The following ZNF521 variants were observed in gnomAD, a reference collection of about 807,000 sequenced individuals.
ZNF521 encodes the protein LYST-interacting protein 3.
A neutral mutation model predicts 105.5 loss-of-function variants in ZNF521; 14 were observed. That is an observed-to-expected ratio of 0.13 (90% CI 0.09 to 0.21). ZNF521 has a LOEUF of 0.21. ZNF521 is among the 10% of genes least tolerant of loss of function. The pLI, the probability that ZNF521 is intolerant of heterozygous loss-of-function variation, is 1.00. For missense variants in ZNF521, 1,233 were observed against 1,629.7 expected (o/e 0.76, Z 4.19); for synonymous variants, 635 against 606.0 (o/e 1.05, Z -0.70).
chr18:25,121,345 C>A (rs1159687233), intron 5 of ZNF521, among the ~76,000 whole-genome samples: 1 of 151,166 alleles, frequency 6.6e-6, no homozygotes. Flanking sequence ...ACCTCCGCCT[C>A]CCAGGTTCAA....
chr18:25,085,058 A>C (rs891417478), intron 7 of ZNF521, among the ~76,000 whole-genome samples: 3 of 152,062 alleles, frequency 2.0e-5, no homozygotes, highest in Non-Finnish European at 4.4e-5. Flanking sequence ...AAAATAATAA[A>C]ATGTTCATTG....
chr18:25,173,529 T>G (rs1182728327), intron 5 of ZNF521, among the ~76,000 whole-genome samples: 1 of 152,208 alleles, frequency 6.6e-6, no homozygotes, highest in Non-Finnish European at 1.5e-5. Context: ...CTTCTCATTT[T>G]GGGGTGGAAG....
At chr18:25,238,090 G>C (rs1449901624) in intron 3 of ZNF521, among the ~76,000 whole-genome samples, 1 of 152,076 alleles carries the variant, frequency 6.6e-6, no homozygotes, top group East Asian at 1.9e-4. Context: ...CAAATCTCCA[G>C]TGCCGAGGCA....
chr18:25,118,809 A>G (rs1047440717), intron 5 of ZNF521, among the ~76,000 whole-genome samples: 8 of 152,104 alleles, frequency 5.3e-5, no homozygotes, highest in Admixed American at 5.2e-4. Flanking sequence ...ATTATAATGT[A>G]CTGAACACTA....
intron 3 of ZNF521, among the ~76,000 whole-genome samples, chr18:25,288,367 C>T (rs189232855): frequency 1.2e-3 from 180 of 152,184 alleles, no homozygotes; most frequent in African/African-American, 3.9e-3. Context: ...AGTCATTTTC[C>T]TCATCTTCCC....
chr18:25,271,314 A>C (rs1909642780), intron 3 of ZNF521, among the ~76,000 whole-genome samples: 1 of 152,256 alleles, frequency 6.6e-6, no homozygotes, highest in Admixed American at 6.5e-5. Flanking sequence ...GGTAGGAAGA[A>C]GCAATATCAT....
intron 5 of ZNF521, among the ~76,000 whole-genome samples, chr18:25,172,057 G>A (rs759576087): frequency 5.3e-5 from 8 of 152,054 alleles, no homozygotes; most frequent in Admixed American, 1.3e-4. Flanking sequence ...GAGGTGGAGA[G>A]TACATGTATT....
chr18:25,252,500 C>T (rs913465946), intron 3 of ZNF521, among the ~76,000 whole-genome samples: 5 of 151,940 alleles, frequency 3.3e-5, no homozygotes, highest in Non-Finnish European at 5.9e-5. Flanking sequence ...CGGAAAAATA[C>T]AGAGGACTAC....
At chr18:25,202,289 ATAC>A (rs2036005869) in intron 4 of ZNF521, 1 of 152,238 alleles carries the variant, frequency 6.6e-6, no homozygotes, top group Non-Finnish European at 1.5e-5. Context: ...ATAAAAAATA[ATAC>A]TACAATACCA....
chr18:25,271,664 G>C (rs1051517195), intron 3 of ZNF521, among the ~76,000 whole-genome samples: 2 of 152,120 alleles, frequency 1.3e-5, no homozygotes, highest in Non-Finnish European at 1.5e-5. Flanking sequence ...ACAAGCAATG[G>C]GGAAAGGATG....
rs556153784 is a variant in ZNF521, at chr18:25,207,137, G to C, written c.3574-11893C>G. 5.3e-5 allele frequency among the ~76,000 whole-genome samples: 8 copies of C among 152,236 alleles called. No individual in the cohort carries two copies. In the East Asian group the frequency reaches 1.4e-3, roughly 26 times the overall value. On this transcript the variant is annotated intron_variant, in intron 4 of 7. Transcript: ENST00000361524. ...CAAAGGTAATAGCCAAGCTTATATAGGGTATTGTGGAGTTTTAGGATTGAA... is the reference window on the plus strand; with the variant it reads ...CAAAGGTAATAGCCAAGCTTATATACGGTATTGTGGAGTTTTAGGATTGAA...
chr18:25,182,033 T>C (rs2035640031), intron 5 of ZNF521, among the ~76,000 whole-genome samples: 1 of 152,148 alleles, frequency 6.6e-6, no homozygotes, highest in Non-Finnish European at 1.5e-5. Context: ...AGTTACCTCT[T>C]ATTTATTTAT....
At chr18:25,083,635 G>A (rs2033553159) in intron 7 of ZNF521, among the ~76,000 whole-genome samples, 1 of 152,028 alleles carries the variant, frequency 6.6e-6, no homozygotes, top group Non-Finnish European at 1.5e-5. Flanking sequence ...CTATTTCTTT[G>A]CCTATCTTCT....
At chr18:25,123,016 T>C (rs2034472001) in intron 5 of ZNF521, among the ~76,000 whole-genome samples, 1 of 152,090 alleles carries the variant, frequency 6.6e-6, no homozygotes, top group East Asian at 1.9e-4. Flanking sequence ...CTTCTTAAGC[T>C]AGATCTACTG....
intron 5 of ZNF521, among the ~76,000 whole-genome samples, chr18:25,168,124 T>C (rs1362176502): frequency 6.6e-6 from 1 of 152,128 alleles, no homozygotes; most frequent in Non-Finnish European, 1.5e-5. Context: ...GTGCTCTGCA[T>C]TAAGAGCAAT....
chr18:25,183,824 C>A (rs950995577), intron 5 of ZNF521, among the ~76,000 whole-genome samples: 3 of 152,020 alleles, frequency 2.0e-5, no homozygotes, highest in Non-Finnish European at 1.5e-5. Flanking sequence ...GGTTAGAGAA[C>A]CTTTTTAGTG....
chr18:25,319,221 A>G (rs185157084), intron 3 of ZNF521, among the ~76,000 whole-genome samples: 339 of 152,352 alleles, frequency 2.2e-3, no homozygotes, highest in Non-Finnish European at 3.7e-3. Context: ...ACATGAATAT[A>G]CAAATAAACA....
chr18:25,226,976 A>T lies in ZNF521; in HGVS notation c.942T>A (p.Ile314=), dbSNP rs1271379339. 6.2e-7 allele frequency: 1 copy of T among 1,614,034 alleles called. No homozygotes were observed. Among genetic ancestry groups the T allele is most frequent in the South Asian group, 1.1e-5 (1 of 91,064 alleles). Residue 314 remains isoleucine, a synonymous_variant, in exon 4 of 8, where the codon ATT becomes ATA. Coordinates refer to ENST00000361524, the MANE Select transcript of ZNF521 (RefSeq NM_015461.3). This position sits in a 1 kb window ranked among gnomAD's most constrained non-coding sequence, Gnocchi z 4.1. ...CAACTGTGTGGAAACTCTCAGAACAAATGCTGCATGAGTTCTTCTTCTCCC... is the reference window on the plus strand; with the variant it reads ...CAACTGTGTGGAAACTCTCAGAACATATGCTGCATGAGTTCTTCTTCTCCC... The part of the protein sequence containing the change: ...HSGEKKNSCS[I]CSESFHTVEE...
At position 25,235,590 on chromosome 18, in the gene ZNF521, T is replaced by C. The variant is rs907928881; in HGVS notation, c.221-7893A>G. Among the ~76,000 whole-genome samples the C allele has an allele frequency of 2.0e-5, 3 of 152,336 alleles. No homozygotes were observed. In the East Asian group the frequency reaches 5.8e-4, roughly 29 times the overall value. ...ATGTTTTGTCTTGTTAAACTAGACT[T>C]TACTGACTATTTTTCCAACATGTAG... On this transcript the variant is annotated intron_variant, in intron 3 of 7. Transcript: ENST00000361524.
Sources: gnomAD v4.1 joint callset for allele counts (sites outside exome capture counted in the v4.1 genomes callset) on GRCh38, gnomAD v4.1.1 for gene constraint, Gnocchi (gnomAD v3.1) non-coding constraint, MANE v1.5 for transcripts, NCBI Gene and HGNC (gene_info 2026-07-23, HGNC 2026-07-21) for gene names.